SLC25A33: variants seen among roughly 807,000 people sequenced by gnomAD.
SLC25A33 encodes solute carrier family 25 member 33, also known as bone marrow stromal cell mitochondrial carrier protein.
In SLC25A33, 15 loss-of-function variants were observed where a neutral mutation model predicts 35.5. That is an observed-to-expected ratio of 0.42 (90% CI 0.28 to 0.65). SLC25A33 has a LOEUF of 0.65. SLC25A33 is among the 30% of genes least tolerant of loss of function. The pLI is 0.20. For synonymous variants in SLC25A33, 136 were observed against 148.7 expected, an observed-to-expected ratio of 0.91 and a Z score of 0.62; for missense variants, 257 against 398.5, an observed-to-expected ratio of 0.64 and a Z score of 3.02.
chr1:9,576,754 C>T (rs1643666444), intron 5 of SLC25A33: 5 of 1,043,536 alleles, frequency 4.8e-6, no homozygotes, highest in South Asian at 1.2e-5. Context: ...TGTTGAAATC[C>T]GAAATTTCTT....
chr1:9,557,360 A>G (rs950741064), intron 2 of SLC25A33, among the ~76,000 whole-genome samples: 2 of 152,204 alleles, frequency 1.3e-5, no homozygotes, highest in African/African-American at 4.8e-5. Flanking sequence ...CCCAAGAGCT[A>G]TTTTATTTAA....
At position 9,578,226 on chromosome 1, in the gene SLC25A33, G is replaced by A. The variant is rs1261512667; in HGVS notation, c.483-1728G>A. 6.6e-6 allele frequency among the ~76,000 whole-genome samples: 1 copy of A among 152,086 alleles called. No individual in the cohort carries two copies. The highest frequency in any genetic ancestry group is 1.5e-5 in the Non-Finnish European group (1 of 68,020). On this transcript the variant is annotated intron_variant, in intron 5 of 6. Coordinates refer to ENST00000302692, the MANE Select transcript of SLC25A33 (RefSeq NM_032315.3). This position sits in a 1 kb window ranked among gnomAD's most constrained non-coding sequence, Gnocchi z 4.3. ...AGCCACCGCACCCGGCCTCTGGATG[G>A]TTTTAAGCACGGGAGTTGCATGGTT...
chr1:9,539,778 C>A (rs1186376608), intron 1 of SLC25A33, 31 bp downstream of exon 1: 1 of 1,345,834 alleles, frequency 7.4e-7, no homozygotes, highest in Non-Finnish European at 9.5e-7. Context: ...GCGCGCGCCC[C>A]ACCGCCTGCG....
intron 1 of SLC25A33, among the ~76,000 whole-genome samples, chr1:9,544,329 T>G (rs1569839302): frequency 6.7e-6 from 1 of 150,184 alleles, no homozygotes; most frequent in Non-Finnish European, 1.5e-5. Flanking sequence ...AGTGCAGTGG[T>G]GACATCTCGG....
intron 2 of SLC25A33, among the ~76,000 whole-genome samples, chr1:9,559,669 T>C (rs964540495): frequency 2.6e-5 from 4 of 152,078 alleles, no homozygotes; most frequent in Admixed American, 2.0e-4. Flanking sequence ...AGGACTTACA[T>C]AAAAACAATA....
intron 6 of SLC25A33, among the ~76,000 whole-genome samples, 188 bp downstream of exon 6, chr1:9,580,422 C>G (rs1308909891): frequency 6.6e-6 from 1 of 152,216 alleles, no homozygotes; most frequent in East Asian, 1.9e-4. Flanking sequence ...CGACCTTACT[C>G]AAATCCAGCT....
chr1:9,567,746 G>C (rs1305728518), intron 3 of SLC25A33, among the ~76,000 whole-genome samples: 1 of 152,158 alleles, frequency 6.6e-6, no homozygotes, highest in Non-Finnish European at 1.5e-5. Flanking sequence ...GAACCCCCAG[G>C]TGACTCCAAC....
intron 1 of SLC25A33, among the ~76,000 whole-genome samples, chr1:9,542,939 T>TC (rs771795379): frequency 3.3e-5 from 5 of 151,876 alleles, no homozygotes; most frequent in Admixed American, 6.6e-5. Context: ...TGCCTCAGCC[T>TC]CCCCGGTAGC....
At chr1:9,551,019 T>C (rs973175547) in intron 1 of SLC25A33, among the ~76,000 whole-genome samples, 8 of 152,130 alleles carry the variant, frequency 5.3e-5, no homozygotes, top group Non-Finnish European at 1.0e-4. Flanking sequence ...TAGCCTATTT[T>C]CTTTAGATAT....
intron 2 of SLC25A33, among the ~76,000 whole-genome samples, chr1:9,560,972 C>CA (rs1379871469): frequency 1.4e-5 from 2 of 140,266 alleles, no homozygotes; most frequent in East Asian, 4.1e-4. Context: ...TTTTTTGAGG[C>CA]AGAGTCTTGC....
At chr1:9,577,479 A>G (rs1236345679) in intron 5 of SLC25A33, among the ~76,000 whole-genome samples, 1 of 152,174 alleles carries the variant, frequency 6.6e-6, no homozygotes, top group African/African-American at 2.4e-5. Flanking sequence ...ACTCCATCTC[A>G]AAAAAATGAA....
Position 9,549,926 on chromosome 1 carries a change from A to ATATATATATATTTCTATATATGTATCTT in SLC25A33, c.57-3674_57-3647dup, listed in dbSNP as rs1367166355. ...GTGTGAGCCGCCACGCCCAACATAT[A>ATATATATATATTTCTATATATGTATCTT]TATATATATATTTCTATATATGTAT... On this transcript the variant is annotated intron_variant, in intron 1 of 6. Coordinates refer to ENST00000302692, the MANE Select transcript of SLC25A33 (RefSeq NM_032315.3). Among the ~76,000 whole-genome samples, 99 of 142,348 alleles carry ATATATATATATTTCTATATATGTATCTT rather than the reference A, an allele frequency of 7.0e-4. 1 individual carries two copies. Among genetic ancestry groups the ATATATATATATTTCTATATATGTATCTT allele is most frequent in the Non-Finnish European group, 1.2e-3 (77 of 66,140 alleles). The allele number at this position is 142,348 out of a possible 152,430, so 93.4% of individuals were successfully genotyped here. A position where few individuals can be genotyped will look rare whatever the true frequency, so the allele number is the denominator to read the frequency against.
chr1:9,556,681 C>CTGTGTGTGTG lies in SLC25A33; in HGVS notation c.236+2886_236+2895dup, dbSNP rs139323135. Among the ~76,000 whole-genome samples the CTGTGTGTGTG allele has an allele frequency of 5.9e-3, 876 of 149,450 alleles. 11 individuals are homozygous for CTGTGTGTGTG. The highest frequency in any genetic ancestry group is 0.036 in the Admixed American group (539 of 14,896). On this transcript the variant is annotated intron_variant, in intron 2 of 6. Coordinates refer to ENST00000302692, the MANE Select transcript of SLC25A33 (RefSeq NM_032315.3). ...TAAGAGATTGTGTGTGTGTCTGTGT[C>CTGTGTGTGTG]TGTGTGTGTGTGTGTGTGTCTGTGT...
chr1:9,557,500 A>C (rs1643360712), intron 2 of SLC25A33, among the ~76,000 whole-genome samples: 1 of 152,008 alleles, frequency 6.6e-6, no homozygotes, highest in Non-Finnish European at 1.5e-5. Flanking sequence ...GGAGTTTGAG[A>C]CCAGCCTGGG....
chr1:9,549,279 G>A (rs915398314), intron 1 of SLC25A33, among the ~76,000 whole-genome samples: 2 of 151,154 alleles, frequency 1.3e-5, no homozygotes, highest in African/African-American at 4.9e-5. Flanking sequence ...AGCTCCCCAG[G>A]GCAAGCAAGG....
intron 1 of SLC25A33, among the ~76,000 whole-genome samples, chr1:9,540,597 A>G (rs764412535): frequency 2.8e-4 from 42 of 152,218 alleles, no homozygotes; most frequent in Non-Finnish European, 5.6e-4. Context: ...CCTTTATCAC[A>G]GCCGGTGGCT....
In SLC25A33 at chr1:9,583,407, T is replaced by A. The variant is rs115189747; in HGVS notation, c.*906T>A. 2.0e-5 allele frequency: 3 copies of A among 152,226 alleles called. No individual in the cohort carries two copies. Among genetic ancestry groups the A allele is most frequent in the Non-Finnish European group, 2.9e-5 (2 of 68,046 alleles). The allele number at this position is 152,226 out of a possible 1,614,324, so 9.4% of individuals were successfully genotyped here. A position where few individuals can be genotyped will look rare whatever the true frequency, so the allele number is the denominator to read the frequency against. ...AGCTATAAAAAACTTCCTGAAGTTATCCTTTTCTCCCTACTTTGAACCAAA... is the reference window on the plus strand; with the variant it reads ...AGCTATAAAAAACTTCCTGAAGTTAACCTTTTCTCCCTACTTTGAACCAAA... On this transcript the variant is annotated 3_prime_UTR_variant, in exon 7 of 7. Transcript: ENST00000302692.
intron 4 of SLC25A33, among the ~76,000 whole-genome samples, chr1:9,571,395 G>C (rs568843314): frequency 1.3e-5 from 2 of 150,904 alleles, no homozygotes; most frequent in Non-Finnish European, 3.0e-5. Context: ...CTGGGCTCAA[G>C]GGATTCTCCT....
rs779087314 is a variant in SLC25A33 at position 9,573,332 on chromosome 1, T to G, written c.416-14T>G. ...ATGTACAGTGTTGACCTTTACTGTT[T>G]TTTTTTTTTCCAGCTTTTATCACAA... On this transcript the variant is annotated splice_polypyrimidine_tract_variant and intron_variant, in intron 4 of 6. Coordinates refer to ENST00000302692, the MANE Select transcript of SLC25A33 (RefSeq NM_032315.3). The G allele has an allele frequency of 1.3e-6, 2 of 1,589,926 alleles. No individual in the cohort carries two copies. Among genetic ancestry groups the G allele is most frequent in the Admixed American group, 3.5e-5 (2 of 57,818 alleles).
Sources: allele counts gnomAD v4.1 joint callset (sites outside exome capture counted in the v4.1 genomes callset), GRCh38; gene constraint gnomAD v4.1.1; non-coding constraint Gnocchi (gnomAD v3.1); transcripts MANE v1.5; gene names NCBI Gene and HGNC (gene_info 2026-07-23, HGNC 2026-07-21).